The following KDM5B variants were observed in gnomAD, a reference collection of about 807,000 sequenced individuals.
KDM5B encodes lysine-specific demethylase 5B.
KDM5B carries 144 observed loss-of-function variants against 193.4 expected under a neutral mutation model. The observed-to-expected ratio is 0.74, with a 90% CI of 0.65 to 0.86. The LOEUF (loss-of-function observed/expected upper bound fraction) is 0.86, where lower values mean the gene tolerates loss of function less well. Among genes scored for constraint, KDM5B ranks in the 40% least tolerant of loss-of-function variants. The pLI is 0.00. For synonymous variants in KDM5B, 668 were observed against 682.6 expected (o/e 0.98, Z 0.33); for missense variants, 1,833 against 1,886.9 (o/e 0.97, Z 0.53).
chr1:202,784,410 A>G (rs1318786891), intron 1 of KDM5B, among the ~76,000 whole-genome samples: 2 of 152,210 alleles, frequency 1.3e-5, no homozygotes, highest in African/African-American at 4.8e-5. Context: ...TATATGTTCT[A>G]TGAAACCCAG....
Position 202,733,570 on chromosome 1 carries a change from G to A in KDM5B, c.3740C>T (p.Pro1247Leu), listed in dbSNP as rs1654974871. Residue 1247 changes from proline to leucine, a missense_variant, in exon 23 of 27, where the codon CCT (proline) becomes CTT (leucine). Coordinates refer to ENST00000367265, the MANE Select transcript of KDM5B (RefSeq NM_006618.5). ...ASLQRIRVRLPEGDALRYMIE... is the reference protein window; with the variant it reads ...ASLQRIRVRLLEGDALRYMIE... ...CATATATCGAAGTGCATCTCCCTCA[G>A]GAAGGCGAACTCGGATACGCTGAAG... The A allele has an allele frequency of 6.2e-7, 1 of 1,614,050 alleles. No homozygotes were observed. Among genetic ancestry groups the A allele is most frequent in the Non-Finnish European group, 8.5e-7 (1 of 1,180,036 alleles).
chr1:202,790,848 CACAAG>C (rs1657616643), intron 1 of KDM5B, among the ~76,000 whole-genome samples: 1 of 152,142 alleles, frequency 6.6e-6, no homozygotes, highest in Non-Finnish European at 1.5e-5. Flanking sequence ...ACCAGGCCAG[CACAAG>C]ACATCAAACC....
chr1:202,779,889 T>C (rs1045749108), intron 1 of KDM5B, among the ~76,000 whole-genome samples: 1 of 151,854 alleles, frequency 6.6e-6, no homozygotes. Flanking sequence ...TGAAATTAAC[T>C]GCAGCATTAC....
Position 202,731,890 on chromosome 1 carries a change from T to C in KDM5B, c.3959A>G (p.Asp1320Gly), listed in dbSNP as rs765109461. 1 of 1,613,606 alleles carries C rather than the reference T, an allele frequency of 6.2e-7. No homozygotes were observed. ...TTSFSLPDDWDNRTSYLHSPF... is the reference protein window; with the variant it reads ...TTSFSLPDDWGNRTSYLHSPF... The stretch of plus-strand genomic sequence containing the variant: ...GGAGTGCAAATATGAGGTTCTGTTG[T>C]CCCAGTCATCAGGCAAAGAAAATGA... The change falls in exon 24 of 27, where the codon GAC (aspartate) becomes GGC (glycine). Residue 1320 changes from aspartate to glycine, a missense_variant. Coordinates refer to ENST00000367265, the MANE Select transcript of KDM5B (RefSeq NM_006618.5).
At chr1:202,765,985 A>G (rs913130914) in intron 5 of KDM5B, among the ~76,000 whole-genome samples, 31 of 152,346 alleles carry the variant, frequency 2.0e-4, no homozygotes, top group African/African-American at 7.2e-4. Flanking sequence ...CTCAGAGCAG[A>G]AAAATCTTAA....
chr1:202,781,196 G>C (rs1657184593), intron 1 of KDM5B, among the ~76,000 whole-genome samples: 2 of 152,148 alleles, frequency 1.3e-5, no homozygotes, highest in Admixed American at 1.3e-4. Flanking sequence ...CTACTCAGGA[G>C]GCTAAGGCAG....
In KDM5B at chr1:202,746,197, A is replaced by G; in HGVS notation, c.2143T>C (p.Cys715Arg). The G allele has an allele frequency of 6.2e-7, 1 of 1,613,940 alleles. No homozygotes were observed. The highest frequency in any genetic ancestry group is 8.5e-7 in the Non-Finnish European group (1 of 1,179,854). ...CACAATTCTTTTACATGATGCAGGC[A>G]AACAAGAAGGCCAGGTTTACAAGAA... ...SCSCKPGLLV[C>R]LHHVKELCSC... The change falls in exon 15 of 27, where the codon TGC becomes CGC. Residue 715 changes from cysteine to arginine, a missense_variant. Transcript: ENST00000367265.
At position 202,729,098 on chromosome 1, in the gene KDM5B, C is replaced by A; in HGVS notation, c.4573G>T (p.Ala1525Ser). 1 of 1,614,142 alleles carries A rather than the reference C, an allele frequency of 6.2e-7. No homozygotes were observed. The highest frequency in any genetic ancestry group is 8.5e-7 in the Non-Finnish European group (1 of 1,180,004). ...ACACAGATGTAGTCTTCTTTCTCTG[C>A]CATCTCTGGGGAGACACCAACACAG... ...QVCVGVSPEM[A>S]EKEDYICVRC... is the part of the protein sequence containing the mutation. The change falls in exon 27 of 27, where the codon GCA (alanine) becomes TCA (serine). Residue 1525 changes from alanine to serine, a missense_variant. Physicochemically the swap from Ala to Ser is moderately conservative, Grantham distance 99 (BLOSUM62 1). Around this residue, in one of 3 missense-constraint regions of KDM5B, gnomAD observed 1,379 missense variants for 1,349.6 expected, o/e 1.02. Coordinates refer to ENST00000367265, the MANE Select transcript of KDM5B (RefSeq NM_006618.5).
chr1:202,794,821 T>C (rs1472475726), intron 1 of KDM5B, among the ~76,000 whole-genome samples: 2 of 152,228 alleles, frequency 1.3e-5, no homozygotes, highest in African/African-American at 4.8e-5. Context: ...ATATATACTA[T>C]GTTTTTTTCC....
At chr1:202,760,760 C>T (rs1171039882) in intron 7 of KDM5B, among the ~76,000 whole-genome samples, 187 bp from the exon 8 acceptor site, 1 of 152,094 alleles carries the variant, frequency 6.6e-6, no homozygotes, top group Non-Finnish European at 1.5e-5. Context: ...TTCACAATAC[C>T]TCATGCATAC....
At chr1:202,776,695 G>A (rs983761065) in intron 2 of KDM5B, among the ~76,000 whole-genome samples, 3 of 152,022 alleles carry the variant, frequency 2.0e-5, no homozygotes, top group African/African-American at 7.3e-5. Flanking sequence ...CCGAGTAGCT[G>A]GAACTACAGG....
At chr1:202,792,799 G>C (rs953522766) in intron 1 of KDM5B, among the ~76,000 whole-genome samples, 6 of 152,046 alleles carry the variant, frequency 3.9e-5, no homozygotes, top group Non-Finnish European at 7.4e-5. Flanking sequence ...TTTGAGACCA[G>C]CCTGGCCAAC....
intron 1 of KDM5B, 113 bp downstream of exon 1, chr1:202,807,989 G>C: frequency 9.0e-7 from 1 of 1,106,310 alleles, no homozygotes. Context: ...AACTTGACGA[G>C]GCCGGCGGGG....
intron 1 of KDM5B, among the ~76,000 whole-genome samples, chr1:202,785,382 T>A (rs906186831): frequency 3.3e-5 from 5 of 152,208 alleles, no homozygotes; most frequent in South Asian, 2.1e-4. Context: ...TCATTTTTTT[T>A]AAAACACAGT....
In KDM5B at chr1:202,733,280, G is replaced by GGGT. The variant is rs1205357374; in HGVS notation, c.3909+118_3909+120dup. 7.7e-6 allele frequency: 8 copies of GGGT among 1,038,938 alleles called. No individual in the cohort carries two copies. In the East Asian group the frequency reaches 1.5e-4, roughly 19 times the overall value. The allele number at this position is 1,038,938 out of a possible 1,614,324, so 64.4% of individuals were successfully genotyped here. On this transcript the variant is annotated intron_variant, in intron 23 of 26. Coordinates refer to ENST00000367265, the MANE Select transcript of KDM5B (RefSeq NM_006618.5). The stretch of plus-strand genomic sequence containing the variant: ...TGAAGTGGGAAGCTACAGGTAAAGT[G>GGGT]GGTGCTGTTAACAGTAAAGTGATCA...
intron 1 of KDM5B, among the ~76,000 whole-genome samples, chr1:202,793,451 T>C (rs1452771013): frequency 2.6e-5 from 4 of 152,206 alleles, no homozygotes; most frequent in African/African-American, 9.6e-5. Context: ...CACCAGGATT[T>C]GGGCTAGATT....
chr1:202,760,016 TA>T (rs949329960), intron 8 of KDM5B, among the ~76,000 whole-genome samples: 4 of 152,140 alleles, frequency 2.6e-5, no homozygotes, highest in South Asian at 2.1e-4. Flanking sequence ...CTGCCAAATC[TA>T]AAACCCAAAG....
chr1:202,785,693 T>C (rs1046655965), intron 1 of KDM5B, among the ~76,000 whole-genome samples: 3 of 152,086 alleles, frequency 2.0e-5, no homozygotes, highest in African/African-American at 7.2e-5. Context: ...GGGCAGATCA[T>C]GAGGTCAGGA....
intron 8 of KDM5B, among the ~76,000 whole-genome samples, chr1:202,759,581 A>G (rs1252373810): frequency 6.6e-6 from 1 of 151,790 alleles, no homozygotes; most frequent in Admixed American, 6.6e-5. Flanking sequence ...CCTCATGAAG[A>G]TAATCGTAGA....
Sources: allele counts gnomAD v4.1 joint callset (sites outside exome capture counted in the v4.1 genomes callset), GRCh38; gene constraint gnomAD v4.1.1; regional missense constraint gnomAD v4.1.1; transcripts MANE v1.5; gene names NCBI Gene and HGNC (gene_info 2026-07-23, HGNC 2026-07-21).